The following RBFOX1 variants were observed in gnomAD, a reference collection of about 807,000 sequenced individuals.
The protein encoded by RBFOX1 is RNA binding protein fox-1 homolog 1.
RBFOX1 carries 8 observed loss-of-function variants against 57.7 expected under a neutral mutation model. The observed-to-expected ratio is 0.14, with a 90% confidence interval of 0.08 to 0.25. RBFOX1 has a LOEUF of 0.25. RBFOX1 is among the 10% of genes least tolerant of loss of function. The probability of loss-of-function intolerance (pLI) is 1.00; values close to 1 mark genes in which losing one functional copy is unlikely to be tolerated. For synonymous variants in RBFOX1, 326 were observed against 222.4 expected (o/e 1.47, Z -4.15); for missense variants, 611 against 548.5 (o/e 1.11, Z -1.14).
At chr16:7,258,843 A>G (rs527390182) in intron 4 of RBFOX1, among the ~76,000 whole-genome samples, 104 of 152,228 alleles carry the variant, frequency 6.8e-4, no homozygotes, top group African/African-American at 2.5e-3. Context: ...CAAGTAAGAG[A>G]CCCTGATTTA....
At chr16:6,043,829 C>T (rs1429641503) in intron 1 of RBFOX1, among the ~76,000 whole-genome samples, 7 of 152,120 alleles carry the variant, frequency 4.6e-5, no homozygotes, top group Non-Finnish European at 8.8e-5. Flanking sequence ...TTAAATGATA[C>T]CAAGGCTTCT....
intron 4 of RBFOX1, among the ~76,000 whole-genome samples, chr16:5,961,579 G>A (rs1007118055): frequency 6.6e-6 from 1 of 152,086 alleles, no homozygotes; most frequent in African/African-American, 2.4e-5. Flanking sequence ...AAGTGCAGTG[G>A]TGCAATCATG....
Position 6,927,320 on chromosome 16 carries a change from C to T in RBFOX1, c.-15-124737C>T, listed in dbSNP as rs370849857. On this transcript the variant is annotated intron_variant, in intron 3 of 15. Coordinates refer to ENST00000550418, the MANE Select transcript of RBFOX1 (RefSeq NM_018723.4). Reference sequence around the variant, plus strand: ...ATCAGCTACTTGGGAGGTTGAGGCACGAGAATCGCTGGAACCCGGGAGGCA... The same window carrying T: ...ATCAGCTACTTGGGAGGTTGAGGCATGAGAATCGCTGGAACCCGGGAGGCA... Among the ~76,000 whole-genome samples, 104 of 144,692 alleles carry T rather than the reference C, an allele frequency of 7.2e-4. 1 individual carries two copies. Among genetic ancestry groups the T allele is most frequent in the African/African-American group, 2.0e-3 (79 of 38,934 alleles). 94.9% of individuals were successfully genotyped at this position (144,692 alleles called of 152,430 possible).
At chr16:6,298,582 G>A (rs1444611457) in intron 1 of RBFOX1, among the ~76,000 whole-genome samples, 1 of 152,102 alleles carries the variant, frequency 6.6e-6, no homozygotes, top group African/African-American at 2.4e-5. Flanking sequence ...CTTTAGCTAA[G>A]CAGATCCTAA....
At chr16:6,898,286 C>A (rs776257639) in intron 3 of RBFOX1, among the ~76,000 whole-genome samples, 1 of 152,080 alleles carries the variant, frequency 6.6e-6, no homozygotes, top group Non-Finnish European at 1.5e-5. Flanking sequence ...TGCCATCTGA[C>A]CCCTGCCCCT....
chr16:5,821,300 T>C (rs188895850), intron 3 of RBFOX1, among the ~76,000 whole-genome samples: 1 of 147,180 alleles, frequency 6.8e-6, no homozygotes, highest in Admixed American at 6.7e-5. Flanking sequence ...TTTTTTATTT[T>C]TTTTTTTTTT....
chr16:6,971,037 T>C (rs986350024), intron 3 of RBFOX1, among the ~76,000 whole-genome samples: 4 of 152,336 alleles, frequency 2.6e-5, no homozygotes, highest in Admixed American at 2.0e-4. Context: ...AGAACCATAC[T>C]ATCTAATCTG....
chr16:5,433,119 A>C (rs1055721435), intron 1 of RBFOX1, among the ~76,000 whole-genome samples: 2 of 152,148 alleles, frequency 1.3e-5, no homozygotes, highest in Non-Finnish European at 2.9e-5. Context: ...TCCACTGTGC[A>C]GAGTCACTGT....
At chr16:7,460,988 G>A (rs1044463756) in intron 4 of RBFOX1, among the ~76,000 whole-genome samples, 3 of 152,168 alleles carry the variant, frequency 2.0e-5, no homozygotes, top group African/African-American at 4.8e-5. Context: ...TTGTGGAGAA[G>A]CTCGACTCCC....
At chr16:6,482,121 C>A (rs1264466206) in intron 2 of RBFOX1, among the ~76,000 whole-genome samples, 1 of 152,148 alleles carries the variant, frequency 6.6e-6, no homozygotes, top group African/African-American at 2.4e-5. Context: ...CAGTTGTATA[C>A]AAGTTGTATA....
intron 1 of RBFOX1, among the ~76,000 whole-genome samples, chr16:6,154,715 A>T (rs1425192452): frequency 6.6e-6 from 1 of 152,254 alleles, no homozygotes; most frequent in Non-Finnish European, 1.5e-5. Flanking sequence ...AGCAAAGAAA[A>T]TATTAGTTAA....
chr16:6,752,454 A>C (rs965715754), intron 3 of RBFOX1, among the ~76,000 whole-genome samples: 4 of 152,190 alleles, frequency 2.6e-5, no homozygotes, highest in Non-Finnish European at 5.9e-5. Flanking sequence ...TAGAATTTAG[A>C]GATGGAATAT....
intron 2 of RBFOX1, among the ~76,000 whole-genome samples, chr16:5,487,439 G>A (rs1473081483): frequency 1.3e-5 from 2 of 152,162 alleles, no homozygotes; most frequent in African/African-American, 4.8e-5. Context: ...AGCACGAGTT[G>A]GCTTTGGGTT....
At chr16:5,558,503 C>G (rs1206947836) in intron 2 of RBFOX1, among the ~76,000 whole-genome samples, 3 of 152,116 alleles carry the variant, frequency 2.0e-5, no homozygotes, top group Non-Finnish European at 4.4e-5. Context: ...TCACTTGTAC[C>G]CTGTACAAAC....
rs143934098 is a variant in RBFOX1, at chr16:6,888,104, C to G, written c.-15-163953C>G. Among the ~76,000 whole-genome samples, 698 of 152,204 alleles carry G rather than the reference C, an allele frequency of 4.6e-3. 6 individuals carry two copies. The highest frequency in any genetic ancestry group is 0.016 in the African/African-American group (660 of 41,540). The stretch of plus-strand genomic sequence containing the variant: ...TAAAATTTTTAATAAGCCTCATAAG[C>G]TTTACAATTATTTCCCTGGAGGACA... On this transcript the variant is annotated intron_variant, in intron 3 of 15. Transcript: ENST00000550418.
At chr16:6,546,038 C>G (rs1430512083) in intron 2 of RBFOX1, among the ~76,000 whole-genome samples, 1 of 152,272 alleles carries the variant, frequency 6.6e-6, no homozygotes, top group Non-Finnish European at 1.5e-5. Flanking sequence ...TACACAAACA[C>G]TAACAATAGC....
chr16:6,430,573 G>A (rs957393787), intron 2 of RBFOX1, among the ~76,000 whole-genome samples: 1 of 152,148 alleles, frequency 6.6e-6, no homozygotes, highest in African/African-American at 2.4e-5. Context: ...AGTTAGGAAC[G>A]ATGTGCTGTG....
At chr16:7,201,839 T>G (rs2088596836) in intron 4 of RBFOX1, among the ~76,000 whole-genome samples, 1 of 152,090 alleles carries the variant, frequency 6.6e-6, no homozygotes, top group Admixed American at 6.6e-5. Flanking sequence ...GGAAGCTCAT[T>G]TGGGCAGTGA....
chr16:5,324,289 C>G, intron 1 of RBFOX1, among the ~76,000 whole-genome samples: 1 of 152,158 alleles, frequency 6.6e-6, no homozygotes, highest in African/African-American at 2.4e-5. Flanking sequence ...ATGGTGAAAC[C>G]CCATCTCTAC....
Sources: allele counts gnomAD v4.1 joint callset (sites outside exome capture counted in the v4.1 genomes callset), GRCh38; gene constraint gnomAD v4.1.1; transcripts MANE v1.5; gene names NCBI Gene and HGNC (gene_info 2026-07-23, HGNC 2026-07-21).